The following VAV2 variants were observed in gnomAD, a reference collection of about 807,000 sequenced individuals.
VAV2 encodes guanine nucleotide exchange factor VAV2.
In VAV2, 67 loss-of-function variants were observed where a neutral mutation model predicts 132.5. The observed-to-expected ratio is 0.51, with a 90% CI of 0.42 to 0.62. VAV2 has a LOEUF of 0.62. Among genes scored for constraint, VAV2 ranks in the 20% least tolerant of loss-of-function variants. VAV2 has a pLI of 0.00. For missense variants in VAV2, 938 were observed against 1,153.6 expected, an observed-to-expected ratio of 0.81 and a Z score of 2.71; for synonymous variants, 492 against 443.5, an observed-to-expected ratio of 1.11 and a Z score of -1.37.
At chr9:133,897,336 A>G (rs3780751) in intron 2 of VAV2, among the ~76,000 whole-genome samples, 40,671 of 152,020 alleles carry the variant, frequency 0.27, 5,721 homozygotes, top group African/African-American at 0.33. Flanking sequence ...GGAGCCCAGC[A>G]CAGGGCACAC....
intron 3 of VAV2, among the ~76,000 whole-genome samples, chr9:133,852,338 A>G (rs1837221512): frequency 6.7e-6 from 1 of 148,890 alleles, no homozygotes; most frequent in African/African-American, 2.5e-5. Flanking sequence ...AATGAATGGT[A>G]GATGGGTAGA....
intron 2 of VAV2, among the ~76,000 whole-genome samples, chr9:133,889,916 TC>T (rs1421259561): frequency 2.6e-5 from 4 of 152,160 alleles, no homozygotes; most frequent in Non-Finnish European, 4.4e-5. Flanking sequence ...TATTAGTGTT[TC>T]CCATGAATAA....
chr9:133,967,525 T>G (rs577895607), intron 1 of VAV2, among the ~76,000 whole-genome samples: 1 of 152,154 alleles, frequency 6.6e-6, no homozygotes, highest in Admixed American at 6.5e-5. Context: ...ATGTGACATA[T>G]ATACACAATA....
intron 29 of VAV2, among the ~76,000 whole-genome samples, chr9:133,767,213 A>G (rs1337138524): frequency 6.6e-6 from 1 of 152,180 alleles, no homozygotes; most frequent in Non-Finnish European, 1.5e-5. Context: ...GGCTTCCCCA[A>G]CTATTTATAA....
chr9:133,818,365 CAAAAAAAA>C (rs34171114), intron 4 of VAV2, among the ~76,000 whole-genome samples: 19 of 99,676 alleles, frequency 1.9e-4, no homozygotes, highest in Admixed American at 1.6e-3. Flanking sequence ...GACTCCATCT[CAAAAAAAA>C]AAAAAAAAAA....
At chr9:133,967,390 A>G (rs1842177974) in intron 1 of VAV2, among the ~76,000 whole-genome samples, 1 of 152,228 alleles carries the variant, frequency 6.6e-6, no homozygotes, top group African/African-American at 2.4e-5. Flanking sequence ...TGATCCAGCA[A>G]TCCTACCACC....
chr9:133,789,469 G>A, intron 13 of VAV2, 126 bp from the exon 14 acceptor site: 2 of 852,902 alleles, frequency 2.3e-6, no homozygotes, highest in Non-Finnish European at 1.9e-6. Flanking sequence ...GGGACGAAGG[G>A]AAACAGCCCC....
chr9:133,947,127 T>G (rs539590427), intron 1 of VAV2, among the ~76,000 whole-genome samples: 15 of 152,330 alleles, frequency 9.8e-5, no homozygotes, highest in African/African-American at 3.6e-4. Flanking sequence ...TTCCAAGACG[T>G]CAGGGGCCCC....
chr9:133,971,174 C>G (rs986041339), intron 1 of VAV2, among the ~76,000 whole-genome samples: 2 of 152,192 alleles, frequency 1.3e-5, no homozygotes, highest in Admixed American at 6.5e-5. Context: ...GCCCTCTGAC[C>G]CTCAGTCTCC....
rs1041812585 is a variant in VAV2, at chr9:133,794,055, C to G, written c.1101+1613G>C. On this transcript the variant is annotated intron_variant, in intron 12 of 29. Transcript: ENST00000371850. The surrounding 1 kb of genome is among the most constrained non-coding windows in gnomAD (Gnocchi z 4.6). ...GAGCTACACTCCTGGGAAACCATCC[C>G]GTCGAGGGGCTCAGAGCCACTCGCC... 6.6e-6 allele frequency among the ~76,000 whole-genome samples: 1 copy of G among 152,128 alleles called. No individual in the cohort carries two copies. The highest frequency in any genetic ancestry group is 1.5e-5 in the Non-Finnish European group (1 of 68,022).
At chr9:133,796,577 C>T (rs1311012165) in intron 10 of VAV2, 53 bp from the exon 11 acceptor site, 12 of 1,535,436 alleles carry the variant, frequency 7.8e-6, no homozygotes, top group Middle Eastern at 1.9e-4. Flanking sequence ...AGCCTGAACC[C>T]ACCCACCTGT....
intron 4 of VAV2, among the ~76,000 whole-genome samples, chr9:133,825,309 C>T (rs1022539130): frequency 6.6e-6 from 1 of 152,168 alleles, no homozygotes; most frequent in Non-Finnish European, 1.5e-5. Flanking sequence ...CCTCGGGCCA[C>T]CAGGGAGGGA....
At chr9:133,810,610 A>T (rs1024584609) in intron 5 of VAV2, among the ~76,000 whole-genome samples, 1 of 152,188 alleles carries the variant, frequency 6.6e-6, no homozygotes, top group African/African-American at 2.4e-5. Flanking sequence ...GGACAGCTCG[A>T]GACCAGCGGG....
intron 4 of VAV2, among the ~76,000 whole-genome samples, chr9:133,812,687 G>C (rs542008965): frequency 6.6e-6 from 1 of 152,274 alleles, no homozygotes; most frequent in South Asian, 2.1e-4. Flanking sequence ...GCAGTCCTTG[G>C]ATCCAAGGTG....
At chr9:133,966,415 A>T (rs576150839) in intron 1 of VAV2, among the ~76,000 whole-genome samples, 1 of 152,372 alleles carries the variant, frequency 6.6e-6, no homozygotes, top group South Asian at 2.1e-4. Flanking sequence ...CAGAATACAT[A>T]AAGAACTCGG....
chr9:133,887,508 G>GT (rs1282862918), intron 2 of VAV2, among the ~76,000 whole-genome samples: 3 of 136,970 alleles, frequency 2.2e-5, no homozygotes, highest in African/African-American at 8.0e-5. Flanking sequence ...CCCACAAAAT[G>GT]TAACTTCTTA....
At chr9:133,899,403 A>G (rs1245108476) in intron 2 of VAV2, among the ~76,000 whole-genome samples, 2 of 151,318 alleles carry the variant, frequency 1.3e-5, no homozygotes, top group Admixed American at 6.6e-5. Flanking sequence ...CCAAAAATTT[A>G]ATATATTTTA....
At chr9:133,959,195 C>A (rs1841888750) in intron 1 of VAV2, among the ~76,000 whole-genome samples, 1 of 152,216 alleles carries the variant, frequency 6.6e-6, no homozygotes, top group Admixed American at 6.5e-5. Context: ...AGTCCTCAAC[C>A]CCAGGCTGCA....
chr9:133,884,588 T>C lies in VAV2; in HGVS notation c.322-23156A>G, dbSNP rs10993842. Among the ~76,000 whole-genome samples the C allele has an allele frequency of 0.11, 16,605 of 152,182 alleles. 1,089 individuals carry two copies. The highest frequency in any genetic ancestry group is 0.2 in the South Asian group (966 of 4,816). On this transcript the variant is annotated intron_variant, in intron 2 of 29. Transcript: ENST00000371850. This position sits in a 1 kb window ranked among gnomAD's most constrained non-coding sequence, Gnocchi z 5.3. ...GGCTGGTTCCCAGGCTGTTACTTTA[T>C]GGAACATCAGCAAGCTGACCGCTTG...
Sources: gnomAD v4.1 joint callset for allele counts (sites outside exome capture counted in the v4.1 genomes callset) on GRCh38, gnomAD v4.1.1 for gene constraint, Gnocchi (gnomAD v3.1) non-coding constraint, MANE v1.5 for transcripts, NCBI Gene and HGNC (gene_info 2026-07-23, HGNC 2026-07-21) for gene names.